The following PITPNC1 variants were observed in gnomAD, a reference collection of about 807,000 sequenced individuals.
PITPNC1 encodes phosphatidylinositol transfer protein cytoplasmic 1.
Under a neutral mutation model 44.7 loss-of-function variants are expected in PITPNC1, and 18 were observed. That is an observed-to-expected ratio of 0.40 (90% CI 0.28 to 0.60). The LOEUF is 0.60. Ranked by LOEUF, PITPNC1 falls within the 20% of genes least tolerant of loss-of-function variation. The probability of loss-of-function intolerance (pLI) is 0.39; values close to 1 mark genes in which losing one functional copy is unlikely to be tolerated. For missense variants in PITPNC1, 290 were observed against 418.4 expected (o/e 0.69, Z 2.68); for synonymous variants, 141 against 149.6 (o/e 0.94, Z 0.42).
At chr17:67,403,417 G>A (rs984259475) in intron 1 of PITPNC1, among the ~76,000 whole-genome samples, 2 of 152,214 alleles carry the variant, frequency 1.3e-5, no homozygotes, top group African/African-American at 4.8e-5. Context: ...TTATAATTTT[G>A]TATGCAGAGG....
intron 7 of PITPNC1, among the ~76,000 whole-genome samples, chr17:67,674,203 C>G (rs2042562266): frequency 6.6e-6 from 1 of 151,710 alleles, no homozygotes; most frequent in East Asian, 1.9e-4. Flanking sequence ...TTAAAATGTA[C>G]AATTAAAAAA....
At chr17:67,655,022 C>T (rs2042247768) in intron 6 of PITPNC1, among the ~76,000 whole-genome samples, 1 of 152,190 alleles carries the variant, frequency 6.6e-6, no homozygotes, top group Non-Finnish European at 1.5e-5. Context: ...GTCCTGTCCA[C>T]ATGGTGTAGG....
chr17:67,583,377 C>T lies in PITPNC1; in HGVS notation c.366+5120C>T, dbSNP rs192983348. On this transcript the variant is annotated intron_variant, in intron 5 of 8. Coordinates refer to ENST00000581322, the MANE Select transcript of PITPNC1 (RefSeq NM_012417.4). Reference sequence around the variant, plus strand: ...CCGAGGCGGGAGGATGGCTTGAGCTCAGGAGTTTGAGACCAGCCTGTCCAA... The same window carrying T: ...CCGAGGCGGGAGGATGGCTTGAGCTTAGGAGTTTGAGACCAGCCTGTCCAA... 1.0e-3 allele frequency among the ~76,000 whole-genome samples: 159 copies of T among 152,124 alleles called. 1 individual carries two copies. The highest frequency in any genetic ancestry group is 3.4e-3 in the African/African-American group (140 of 41,506).
intron 1 of PITPNC1, among the ~76,000 whole-genome samples, chr17:67,469,633 C>G (rs946052768): frequency 6.6e-6 from 1 of 152,114 alleles, no homozygotes; most frequent in Admixed American, 6.6e-5. Flanking sequence ...CATCAGGGCC[C>G]TGCTGGCTAC....
chr17:67,581,307 T>C (rs1016761651), intron 5 of PITPNC1, among the ~76,000 whole-genome samples: 2 of 152,238 alleles, frequency 1.3e-5, no homozygotes, highest in African/African-American at 4.8e-5. Context: ...AGACTTAGGC[T>C]GGGCTGCAAG....
In PITPNC1 at chr17:67,578,226, A is replaced by C; in HGVS notation, c.335A>C (p.Lys112Thr). The change falls in exon 5 of 9, where the codon AAG becomes ACG. Residue 112 changes from lysine (K) to threonine (T), a missense_variant. By Grantham distance (78) the Lys-to-Thr change is moderately conservative. Coordinates refer to ENST00000581322, the MANE Select transcript of PITPNC1 (RefSeq NM_012417.4). The part of the protein sequence containing the change: ...LPKFSIHIET[K>T]YEDNKGSNDT... ...AAATTCTCCATTCATATAGAAACCA[A>C]GTATGAGGACAACAAAGGAAGCAAT... 1 of 1,613,086 alleles carries C rather than the reference A, an allele frequency of 6.2e-7. No individual in the cohort carries two copies. Among genetic ancestry groups the C allele is most frequent in the Non-Finnish European group, 8.5e-7 (1 of 1,179,276 alleles).
chr17:67,689,198 A>G (rs1480705267), intron 8 of PITPNC1, among the ~76,000 whole-genome samples: 1 of 151,946 alleles, frequency 6.6e-6, no homozygotes, highest in East Asian at 1.9e-4. Flanking sequence ...GTGCAACTCC[A>G]TCTCAAATAA....
intron 1 of PITPNC1, among the ~76,000 whole-genome samples, chr17:67,490,663 A>T (rs566875074): frequency 6.6e-6 from 1 of 152,156 alleles, no homozygotes; most frequent in Admixed American, 6.5e-5. Context: ...AAATAAAAGG[A>T]TACGAAATAA....
chr17:67,494,408 C>T (rs1034908605), intron 1 of PITPNC1, among the ~76,000 whole-genome samples: 5 of 151,946 alleles, frequency 3.3e-5, no homozygotes, highest in Non-Finnish European at 5.9e-5. Context: ...CCATCTTGGC[C>T]AGGCTGGTCT....
At chr17:67,652,341 C>T (rs1010175262) in intron 6 of PITPNC1, among the ~76,000 whole-genome samples, 2 of 152,290 alleles carry the variant, frequency 1.3e-5, no homozygotes, top group East Asian at 1.9e-4. Context: ...CAGTTTTACA[C>T]GGGCTGCTCA....
intron 6 of PITPNC1, among the ~76,000 whole-genome samples, chr17:67,647,865 A>G (rs993626139): frequency 1.3e-5 from 2 of 152,094 alleles, no homozygotes; most frequent in African/African-American, 4.8e-5. Flanking sequence ...GGACCCCACA[A>G]GGTGCTCCCG....
At chr17:67,674,926 T>C (rs1350918103) in intron 7 of PITPNC1, among the ~76,000 whole-genome samples, 1 of 150,810 alleles carries the variant, frequency 6.6e-6, no homozygotes, top group Non-Finnish European at 1.5e-5. Flanking sequence ...GCAGGAGAAT[T>C]GCTTGAACCC....
chr17:67,610,110 A>G (rs1356858225), intron 5 of PITPNC1, among the ~76,000 whole-genome samples: 1 of 152,152 alleles, frequency 6.6e-6, no homozygotes, highest in East Asian at 1.9e-4. Flanking sequence ...TGCCTCAAAC[A>G]TAATATGCCC....
intron 2 of PITPNC1, among the ~76,000 whole-genome samples, chr17:67,551,338 T>A (rs1278681351): frequency 6.6e-6 from 1 of 152,200 alleles, no homozygotes; most frequent in Non-Finnish European, 1.5e-5. Flanking sequence ...AACAAATTGC[T>A]GCAAATTAGG....
chr17:67,444,070 T>G (rs953387629), intron 1 of PITPNC1, among the ~76,000 whole-genome samples: 1 of 152,082 alleles, frequency 6.6e-6, no homozygotes, highest in Non-Finnish European at 1.5e-5. Context: ...AACAGCCTGA[T>G]GAACCCACAT....
rs191029548 is a variant in PITPNC1, at chr17:67,637,156, A to G, written c.462+4918A>G. ...CCAGTGCTTAGCAGGCGCTCACTCA[A>G]TGGTTGCTGAATGAATGAGTGAAGG... is the stretch of plus-strand genomic sequence containing the variant. On this transcript the variant is annotated intron_variant, in intron 6 of 8. Coordinates refer to ENST00000581322, the MANE Select transcript of PITPNC1 (RefSeq NM_012417.4). Among the ~76,000 whole-genome samples, 53 of 152,326 alleles carry G rather than the reference A, an allele frequency of 3.5e-4. No individual in the cohort carries two copies. In the East Asian group the frequency reaches 8.9e-3, roughly 25 times the overall value.
chr17:67,436,083 C>T (rs1297353901), intron 1 of PITPNC1, among the ~76,000 whole-genome samples: 1 of 152,014 alleles, frequency 6.6e-6, no homozygotes, highest in Non-Finnish European at 1.5e-5. Flanking sequence ...GCCTCCAATT[C>T]CTGGGCTCAA....
At chr17:67,622,704 C>T (rs2642053) in intron 5 of PITPNC1, among the ~76,000 whole-genome samples, 346 of 151,838 alleles carry the variant, frequency 2.3e-3, no homozygotes, top group African/African-American at 8.2e-3. Context: ...GGTGAAACCC[C>T]ATCTCTACTA....
chr17:67,494,176 T>C lies in PITPNC1; in HGVS notation c.49-38626T>C, dbSNP rs2039900556. ...TATGTGTAACCTCTTTCTTTCTTTC[T>C]TTCTTTCTTTTTCTTTCTTTCTTTC... is the stretch of plus-strand genomic sequence containing the variant. On this transcript the variant is annotated intron_variant, in intron 1 of 8. Transcript: ENST00000581322. Among the ~76,000 whole-genome samples the C allele has an allele frequency of 9.6e-5, 6 of 62,680 alleles. 1 individual carries two copies. Among genetic ancestry groups the C allele is most frequent in the African/African-American group, 3.9e-4 (6 of 15,518 alleles). 41.1% of individuals were successfully genotyped at this position (62,680 alleles called of 152,430 possible).
Sources: gnomAD v4.1 joint callset for allele counts (sites outside exome capture counted in the v4.1 genomes callset) on GRCh38, gnomAD v4.1.1 for gene constraint, MANE v1.5 for transcripts, NCBI Gene and HGNC (gene_info 2026-07-23, HGNC 2026-07-21) for gene names.